PLEKHH1: variants seen among roughly 807,000 people sequenced by gnomAD.
PLEKHH1 encodes the protein pleckstrin homology, MyTH4 and FERM domain containing H1, also known as pleckstrin homology domain-containing family H member 1.
Under a neutral mutation model 160.0 loss-of-function variants are expected in PLEKHH1, and 104 were observed. That is an observed-to-expected ratio of 0.65 (90% CI 0.55 to 0.76). The LOEUF (loss-of-function observed/expected upper bound fraction) is 0.76, where lower values mean the gene tolerates loss of function less well. PLEKHH1 is among the 30% of genes least tolerant of loss of function. The pLI is 0.00. For synonymous variants in PLEKHH1, 619 were observed against 678.4 expected, an observed-to-expected ratio of 0.91 and a Z score of 1.36; for missense variants, 1,427 against 1,724.1, an observed-to-expected ratio of 0.83 and a Z score of 3.05.
At chr14:67,559,053 G>A (rs747480353) in intron 4 of PLEKHH1, among the ~76,000 whole-genome samples, 2 of 152,218 alleles carry the variant, frequency 1.3e-5, no homozygotes, top group East Asian at 3.8e-4. Context: ...AATACTGAGA[G>A]TCTGACGTTG....
chr14:67,565,156 C>T (rs1337914134), intron 7 of PLEKHH1, among the ~76,000 whole-genome samples: 6 of 152,124 alleles, frequency 3.9e-5, no homozygotes, highest in African/African-American at 1.4e-4. Context: ...TGTGGTTTCT[C>T]CCTTTTACAG....
At chr14:67,544,281 C>A (rs574862429) in intron 2 of PLEKHH1, among the ~76,000 whole-genome samples, 1 of 152,056 alleles carries the variant, frequency 6.6e-6, no homozygotes, top group African/African-American at 2.4e-5. Context: ...GAGAACCTGA[C>A]GATAACACTG....
At chr14:67,543,591 G>T (rs1237445718) in intron 2 of PLEKHH1, among the ~76,000 whole-genome samples, 1 of 152,166 alleles carries the variant, frequency 6.6e-6, no homozygotes, top group Non-Finnish European at 1.5e-5. Flanking sequence ...CTAATAATCT[G>T]CATGTTTAAC....
Position 67,578,199 on chromosome 14 carries a change from G to C in PLEKHH1, c.2751G>C (p.Gln917His). ...CRPPQKYSLM[Q>H]CWQLLALCAP... The stretch of plus-strand genomic sequence containing the variant: ...CACCTCAGAAGTACTCCCTCATGCA[G>C]GTAGGCATGCCAGGGGTGGAGCAGC... Residue 917 changes from glutamine to histidine, a missense_variant and splice_region_variant, in exon 19 of 29, where the codon CAG (glutamine) becomes CAC (histidine). By Grantham distance (24) the Gln-to-His change is conservative. Coordinates refer to ENST00000329153, the MANE Select transcript of PLEKHH1 (RefSeq NM_020715.3). The surrounding 1 kb of genome is among the most constrained non-coding windows in gnomAD (Gnocchi z 5.0). The C allele has an allele frequency of 6.2e-7, 1 of 1,612,890 alleles. No homozygotes were observed. Among genetic ancestry groups the C allele is most frequent in the Non-Finnish European group, 8.5e-7 (1 of 1,179,146 alleles).
At chr14:67,556,509 G>C (rs1435011419) in intron 3 of PLEKHH1, among the ~76,000 whole-genome samples, 1 of 152,062 alleles carries the variant, frequency 6.6e-6, no homozygotes, top group Non-Finnish European at 1.5e-5. Context: ...AACTCCTGGG[G>C]TTTAAGCAGT....
In PLEKHH1 at chr14:67,576,651, G is replaced by C. The variant is rs1468885522; in HGVS notation, c.2461+148G>C. The stretch of plus-strand genomic sequence containing the variant: ...GGGGAAGTTCCCATCCAAGCTCCAG[G>C]GCCCCTCTGTCTCCGGCTGAGATAC... On this transcript the variant is annotated intron_variant, in intron 17 of 28. Transcript: ENST00000329153. The surrounding 1 kb of genome is among the most constrained non-coding windows in gnomAD (Gnocchi z 4.0). 29 of 546,256 alleles carry C rather than the reference G, an allele frequency of 5.3e-5. No homozygotes were observed. Among genetic ancestry groups the C allele is most frequent in the Non-Finnish European group, 9.2e-5 (28 of 305,402 alleles). The allele number at this position is 546,256 out of a possible 1,614,324, so 33.8% of individuals were successfully genotyped here. A position where few individuals can be genotyped will look rare whatever the true frequency, so the allele number is the denominator to read the frequency against.
intron 2 of PLEKHH1, among the ~76,000 whole-genome samples, chr14:67,551,663 C>T (rs746682699): frequency 2.0e-5 from 3 of 151,974 alleles, no homozygotes; most frequent in East Asian, 1.9e-4. Flanking sequence ...CCGAGGCAGG[C>T]GAATCACATG....
chr14:67,556,353 C>G (rs549122505), intron 3 of PLEKHH1, among the ~76,000 whole-genome samples: 27 of 152,346 alleles, frequency 1.8e-4, no homozygotes, highest in African/African-American at 6.5e-4. Context: ...CCAGGCTGGT[C>G]TCAAACTGCT....
intron 2 of PLEKHH1, among the ~76,000 whole-genome samples, chr14:67,545,500 TC>T (rs2034140579): frequency 6.6e-6 from 1 of 152,034 alleles, no homozygotes; most frequent in Non-Finnish European, 1.5e-5. Context: ...AAAAGGAAAG[TC>T]TATTAAATAC....
Position 67,583,629 on chromosome 14 carries a change from G to T in PLEKHH1, c.3427-112G>T. On this transcript the variant is annotated intron_variant, in intron 24 of 28. Coordinates refer to ENST00000329153, the MANE Select transcript of PLEKHH1 (RefSeq NM_020715.3). ...TCTAAAGTATTTTTCACAACCACTCGCACCCCACCAATAGGGTAATAAAGA... is the reference window on the plus strand; with the variant it reads ...TCTAAAGTATTTTTCACAACCACTCTCACCCCACCAATAGGGTAATAAAGA... 4.2e-6 allele frequency: 3 copies of T among 719,640 alleles called. No homozygotes were observed. In the South Asian group the frequency reaches 7.4e-5, roughly 18 times the overall value. The allele number at this position is 719,640 out of a possible 1,614,324, so 44.6% of individuals were successfully genotyped here.
chr14:67,547,352 C>T lies in PLEKHH1; in HGVS notation c.126+5359C>T, dbSNP rs183746455. The stretch of plus-strand genomic sequence containing the variant: ...GGTCAATGTCAGGATTGTGTCTGTC[C>T]TCTGCAATCATCCCTAAACCAGTAA... On this transcript the variant is annotated intron_variant, in intron 2 of 28. Coordinates refer to ENST00000329153, the MANE Select transcript of PLEKHH1 (RefSeq NM_020715.3). 5.3e-5 allele frequency among the ~76,000 whole-genome samples: 8 copies of T among 152,292 alleles called. No homozygotes were observed. In the East Asian group the frequency reaches 1.5e-3, roughly 29 times the overall value.
intron 7 of PLEKHH1, among the ~76,000 whole-genome samples, chr14:67,564,837 C>T (rs2035015146): frequency 6.6e-6 from 1 of 151,998 alleles, no homozygotes; most frequent in African/African-American, 2.4e-5. Flanking sequence ...TACAGGCATG[C>T]ACCACCATGC....
At position 67,559,702 on chromosome 14, in the gene PLEKHH1, AACTCAT is replaced by A. The variant is rs778386879; in HGVS notation, c.423+12_423+17del. 7 of 1,583,838 alleles carry A rather than the reference AACTCAT, an allele frequency of 4.4e-6. No individual in the cohort carries two copies. The South Asian group carries it at 8.0e-5, about 18-fold the overall frequency. On this transcript the variant is annotated intron_variant, in intron 5 of 28. Coordinates refer to ENST00000329153, the MANE Select transcript of PLEKHH1 (RefSeq NM_020715.3). ...CTCAAGTTGGCAAAGGTGGGTTGGA[AACTCAT>A]CTTGGAGGCCTGCCAGAGGCATGGC...
At chr14:67,547,332 A>G (rs1185198820) in intron 2 of PLEKHH1, among the ~76,000 whole-genome samples, 1 of 152,226 alleles carries the variant, frequency 6.6e-6, no homozygotes, top group Admixed American at 6.5e-5. Flanking sequence ...ATGTTGGTCA[A>G]TGTCAGGATT....
At chr14:67,563,773 A>C (rs2034955404) in intron 7 of PLEKHH1, among the ~76,000 whole-genome samples, 1 of 125,830 alleles carries the variant, frequency 7.9e-6, no homozygotes, top group African/African-American at 3.1e-5. Context: ...TTGCTCTGTC[A>C]CCCAGGCTGA....
chr14:67,547,513 G>A (rs1260810651), intron 2 of PLEKHH1, among the ~76,000 whole-genome samples: 1 of 152,138 alleles, frequency 6.6e-6, no homozygotes, highest in Non-Finnish European at 1.5e-5. Context: ...TACACGCACT[G>A]GGAGGAGCCA....
Position 67,584,031 on chromosome 14 carries a change from A to T in PLEKHH1, c.3606A>T (p.Thr1202=). 1 of 1,614,046 alleles carries T rather than the reference A, an allele frequency of 6.2e-7. No homozygotes were observed. Among genetic ancestry groups the T allele is most frequent in the Non-Finnish European group, 8.5e-7 (1 of 1,179,898 alleles). ...LADMLTTKWA[T]LQGCSPPECI... ...ATATGTTGACCACAAAATGGGCAAC[A>T]TTGCAAGGATGCTCCCCTCCTGAGT... Residue 1202 remains threonine (T), a synonymous_variant, in exon 26 of 29, where the codon ACA becomes ACT. Transcript: ENST00000329153.
At chr14:67,538,433 G>A (rs938494189) in intron 1 of PLEKHH1, among the ~76,000 whole-genome samples, 3 of 152,194 alleles carry the variant, frequency 2.0e-5, no homozygotes, top group African/African-American at 4.8e-5. Context: ...TAACACATGC[G>A]TCGCAATGCT....
At chr14:67,583,484 G>A (rs565243672) in intron 24 of PLEKHH1, among the ~76,000 whole-genome samples, 33 of 152,304 alleles carry the variant, frequency 2.2e-4, no homozygotes, top group African/African-American at 7.2e-4. Context: ...CCAATTAACT[G>A]TGTCTTTGGA....
Sources: allele counts gnomAD v4.1 joint callset (sites outside exome capture counted in the v4.1 genomes callset), GRCh38; gene constraint gnomAD v4.1.1; non-coding constraint Gnocchi (gnomAD v3.1); transcripts MANE v1.5; gene names NCBI Gene and HGNC (gene_info 2026-07-23, HGNC 2026-07-21).